The following PDE4D variants were observed in gnomAD, a reference collection of about 807,000 sequenced individuals.
PDE4D encodes the protein 3',5'-cyclic-AMP phosphodiesterase 4D.
In PDE4D, 24 loss-of-function variants were observed where a neutral mutation model predicts 87.4. The ratio of observed to expected loss-of-function variants is 0.27; its 90% CI spans 0.20 to 0.39. PDE4D has a LOEUF of 0.39. Among genes scored for constraint, PDE4D ranks in the 10% least tolerant of loss-of-function variants. PDE4D has a pLI of 1.00. For missense variants in PDE4D, 714 were observed against 1,041.0 expected (o/e 0.69, Z 4.32); for synonymous variants, 384 against 383.2 (o/e 1.00, Z -0.02).
intron 1 of PDE4D, among the ~76,000 whole-genome samples, chr5:60,402,198 G>T (rs1489504353): frequency 1.3e-5 from 2 of 152,144 alleles, no homozygotes; most frequent in African/African-American, 4.8e-5. Context: ...AAATGCCCAT[G>T]GGTAGAGAAC....
intron 3 of PDE4D, among the ~76,000 whole-genome samples, chr5:59,923,109 A>G (rs1754851424): frequency 6.6e-6 from 1 of 152,082 alleles, no homozygotes; most frequent in South Asian, 2.1e-4. Flanking sequence ...AGCCTCAGGG[A>G]AAGTCTCCTC....
At chr5:59,974,736 A>G (rs1761129793) in intron 3 of PDE4D, among the ~76,000 whole-genome samples, 1 of 152,310 alleles carries the variant, frequency 6.6e-6, no homozygotes, top group African/African-American at 2.4e-5. Context: ...ACCACCTGAT[A>G]CAGAGCTTCT....
At chr5:59,666,583 C>A (rs1746112686) in intron 1 of PDE4D, among the ~76,000 whole-genome samples, 1 of 152,206 alleles carries the variant, frequency 6.6e-6, no homozygotes, top group Non-Finnish European at 1.5e-5. Flanking sequence ...AGAAGCCATA[C>A]AGTTCCGTCA....
At chr5:59,965,814 G>A (rs1473178872) in intron 3 of PDE4D, among the ~76,000 whole-genome samples, 1 of 152,120 alleles carries the variant, frequency 6.6e-6, no homozygotes, top group Non-Finnish European at 1.5e-5. Context: ...GACTCTGCAG[G>A]CCGAATGGTC....
At chr5:60,213,976 G>T (rs1019342945) in intron 1 of PDE4D, among the ~76,000 whole-genome samples, 12 of 152,152 alleles carry the variant, frequency 7.9e-5, no homozygotes, top group Admixed American at 7.9e-4. Context: ...CATGGGAAGT[G>T]AATTTTTCTT....
chr5:60,124,996 C>T lies in PDE4D; in HGVS notation c.42+60561G>A, dbSNP rs906557836. On this transcript the variant is annotated intron_variant, in intron 2 of 16. Coordinates refer to the PDE4D transcript ENST00000502484. ...CACTCTAGGTTGTATTTCTGCCTCA[C>T]CAGCTGCTCCTTCTCAAAAGCTCCA... 3.3e-5 allele frequency among the ~76,000 whole-genome samples: 5 copies of T among 152,156 alleles called. No individual in the cohort carries two copies. In the South Asian group the frequency reaches 6.2e-4, roughly 19 times the overall value.
At chr5:59,083,281 A>G (rs1015896401) in intron 5 of PDE4D, among the ~76,000 whole-genome samples, 5 of 152,038 alleles carry the variant, frequency 3.3e-5, no homozygotes, top group Non-Finnish European at 7.4e-5. Context: ...TCTTATACTT[A>G]GAATTCCAAA....
rs1011649685 is a variant in PDE4D at position 59,354,730 on chromosome 5, T to C, written c.456-138762A>G. On this transcript the variant is annotated intron_variant, in intron 1 of 14. Transcript: ENST00000340635. ...CCCTTCCACTCAATTCAACTTATGA[T>C]AGATATGATCATATCAAGTTGGCTA... Among the ~76,000 whole-genome samples, 3 of 152,210 alleles carry C rather than the reference T, an allele frequency of 2.0e-5. No individual in the cohort carries two copies. In the East Asian group the frequency reaches 5.8e-4, roughly 29 times the overall value.
intron 5 of PDE4D, among the ~76,000 whole-genome samples, chr5:59,045,712 CT>C (rs1760512962): frequency 5.9e-5 from 9 of 152,172 alleles, no homozygotes; most frequent in African/African-American, 1.9e-4. Flanking sequence ...GCAGGTAGGA[CT>C]ATATCTTCAA....
intron 1 of PDE4D, among the ~76,000 whole-genome samples, chr5:59,497,386 T>C (rs1396387828): frequency 6.6e-6 from 1 of 151,826 alleles, no homozygotes; most frequent in Non-Finnish European, 1.5e-5. Context: ...AGAATCTAGA[T>C]GGCAAAGAAA....
chr5:59,106,988 A>G (rs927480491), intron 5 of PDE4D, among the ~76,000 whole-genome samples: 12 of 152,204 alleles, frequency 7.9e-5, no homozygotes, highest in African/African-American at 2.9e-4. Context: ...GTGAGAAATT[A>G]TAATTATTTA....
chr5:59,684,938 C>T (rs1294450861), intron 1 of PDE4D, among the ~76,000 whole-genome samples: 1 of 152,198 alleles, frequency 6.6e-6, no homozygotes, highest in Non-Finnish European at 1.5e-5. Flanking sequence ...TTGACGTTTC[C>T]CTCAGCCTTA....
intron 4 of PDE4D, among the ~76,000 whole-genome samples, chr5:59,181,334 G>A (rs1741491641): frequency 6.6e-6 from 1 of 151,286 alleles, no homozygotes; most frequent in Non-Finnish European, 1.5e-5. Context: ...AAAAAAGCAT[G>A]CTGTCTGATT....
At chr5:60,348,477 C>G (rs368061225) in intron 1 of PDE4D, among the ~76,000 whole-genome samples, 1 of 151,924 alleles carries the variant, frequency 6.6e-6, no homozygotes, top group Non-Finnish European at 1.5e-5. Context: ...TGGAAATGGT[C>G]TATATATAAA....
chr5:60,403,444 CCTAT>C (rs1304615900), intron 1 of PDE4D, among the ~76,000 whole-genome samples: 2 of 152,286 alleles, frequency 1.3e-5, no homozygotes, highest in African/African-American at 4.8e-5. Context: ...CTTCCATCCA[CCTAT>C]CTATTCAACA....
At chr5:59,853,365 G>A (rs758454848) in intron 1 of PDE4D, among the ~76,000 whole-genome samples, 1 of 150,038 alleles carries the variant, frequency 6.7e-6, no homozygotes. Flanking sequence ...AAGTTTAGAA[G>A]GGAGTCTTAA....
chr5:59,159,151 C>G (rs557235897), intron 5 of PDE4D, among the ~76,000 whole-genome samples: 1 of 136,042 alleles, frequency 7.4e-6, no homozygotes, highest in Non-Finnish European at 1.7e-5. Flanking sequence ...TGGTACAGTC[C>G]TGAGACTACT....
intron 3 of PDE4D, among the ~76,000 whole-genome samples, chr5:59,941,468 T>C (rs942665116): frequency 1.3e-5 from 2 of 152,246 alleles, no homozygotes; most frequent in African/African-American, 4.8e-5. Flanking sequence ...CAATTTAGCC[T>C]GTATCTTGAC....
intron 1 of PDE4D, among the ~76,000 whole-genome samples, chr5:59,332,223 A>C (rs1488428994): frequency 6.6e-6 from 1 of 152,204 alleles, no homozygotes; most frequent in Non-Finnish European, 1.5e-5. Context: ...ACCAATGGTC[A>C]GTGATGGTTT....
Sources: gnomAD v4.1 joint callset for allele counts (sites outside exome capture counted in the v4.1 genomes callset) on GRCh38, gnomAD v4.1.1 for gene constraint, MANE v1.5 for transcripts, NCBI Gene and HGNC (gene_info 2026-07-23, HGNC 2026-07-21) for gene names.